ARB2A: variants seen among roughly 807,000 people sequenced by gnomAD.
The protein encoded by ARB2A is ARB2 cotranscriptional regulator A, also known as cotranscriptional regulator ARB2A.
the ARB2A span, chr5:93,683,713 TC>T: frequency 6.2e-7 from 1 of 1,611,286 alleles, no homozygotes; most frequent in Middle Eastern, 2.3e-4. Flanking sequence ...CATCGAATCT[TC>T]CATCGGGTGG....
chr5:93,938,223 A>C, the ARB2A span, among the ~76,000 whole-genome samples: 1 of 152,248 alleles, frequency 6.6e-6, no homozygotes, highest in Non-Finnish European at 1.5e-5. Context: ...TCAAAGAGTA[A>C]AAATTAAATA....
At chr5:93,673,101 T>C in the ARB2A span, among the ~76,000 whole-genome samples, 2 of 152,254 alleles carry the variant, frequency 1.3e-5, no homozygotes, top group African/African-American at 4.8e-5. Context: ...GAATCTATTT[T>C]CTTCTAGTTC....
the ARB2A span, among the ~76,000 whole-genome samples, chr5:93,757,177 A>C: frequency 6.6e-6 from 1 of 152,134 alleles, no homozygotes; most frequent in African/African-American, 2.4e-5. Flanking sequence ...AACAAAGACA[A>C]AGAAAAAAGA....
At chr5:93,964,442 T>G in the ARB2A span, 134 of 1,496,526 alleles carry the variant, frequency 9.0e-5, no homozygotes, top group Non-Finnish European at 1.2e-4. Flanking sequence ...AAACATTTCT[T>G]TAAAATTTGA....
At chr5:93,696,114 C>T in the ARB2A span, among the ~76,000 whole-genome samples, 5 of 152,020 alleles carry the variant, frequency 3.3e-5, no homozygotes, top group African/African-American at 1.2e-4. Context: ...CAGCAAACCA[C>T]CGTGGCACGT....
chr5:93,926,293 C>T, the ARB2A span, among the ~76,000 whole-genome samples: 7 of 152,070 alleles, frequency 4.6e-5, no homozygotes, highest in African/African-American at 1.7e-4. Context: ...CCATGCCCAG[C>T]TAATTTTGTA....
chr5:93,647,320 G>A, the ARB2A span, among the ~76,000 whole-genome samples: 5 of 152,010 alleles, frequency 3.3e-5, no homozygotes, highest in African/African-American at 1.2e-4. Flanking sequence ...TCTGCCTCCC[G>A]GGTTCAAGCA....
At chr5:94,079,091 A>T in the ARB2A span, among the ~76,000 whole-genome samples, 1 of 152,234 alleles carries the variant, frequency 6.6e-6, no homozygotes, top group African/African-American at 2.4e-5. Flanking sequence ...TGCACAAATA[A>T]TAAAGTCTCA....
At chr5:94,006,772 A>G in the ARB2A span, among the ~76,000 whole-genome samples, 2 of 152,232 alleles carry the variant, frequency 1.3e-5, no homozygotes, top group Non-Finnish European at 1.5e-5. Context: ...GGCTACTAGG[A>G]TACATTACAA....
the ARB2A span, among the ~76,000 whole-genome samples, chr5:93,732,636 A>G: frequency 5.9e-5 from 9 of 151,788 alleles, no homozygotes; most frequent in East Asian, 7.7e-4. Context: ...TTTCTCATGT[A>G]TATGGCTCCG....
At chr5:93,645,704 T>G in the ARB2A span, among the ~76,000 whole-genome samples, 1 of 152,196 alleles carries the variant, frequency 6.6e-6, no homozygotes, top group Non-Finnish European at 1.5e-5. Flanking sequence ...GTTTAAAAAT[T>G]TTTAGGAACA....
chr5:93,950,017 T>C, the ARB2A span, among the ~76,000 whole-genome samples: 2 of 152,172 alleles, frequency 1.3e-5, no homozygotes, highest in South Asian at 4.1e-4. Context: ...TCCAGTTCCA[T>C]CTATGTTGTT....
the ARB2A span, among the ~76,000 whole-genome samples, chr5:94,081,693 G>T: frequency 6.6e-6 from 1 of 152,076 alleles, no homozygotes; most frequent in Admixed American, 6.6e-5. Flanking sequence ...AGGAGTCGGG[G>T]GAAGAGAAAA....
At chr5:93,851,652 G>A in the ARB2A span, among the ~76,000 whole-genome samples, 1 of 152,028 alleles carries the variant, frequency 6.6e-6, no homozygotes, top group South Asian at 2.1e-4. Context: ...CCCTTCCTGT[G>A]TCCATGTGTT....
chr5:93,851,456 T>G, the ARB2A span, among the ~76,000 whole-genome samples: 1 of 152,172 alleles, frequency 6.6e-6, no homozygotes, highest in African/African-American at 2.4e-5. Context: ...TTTTACTTTA[T>G]TTTATTATTA....
At chr5:93,722,110 G>A in the ARB2A span, among the ~76,000 whole-genome samples, 7 of 152,052 alleles carry the variant, frequency 4.6e-5, no homozygotes, top group Non-Finnish European at 8.8e-5. Context: ...ATAAAAAACA[G>A]TTTACCTATG....
At chr5:93,682,708 T>C in the ARB2A span, 2 of 639,178 alleles carry the variant, frequency 3.1e-6, no homozygotes, top group Non-Finnish European at 5.6e-6. Flanking sequence ...CAATAGAACC[T>C]GGACAACATT....
chr5:93,958,230 T>C, the ARB2A span, among the ~76,000 whole-genome samples: 1 of 152,080 alleles, frequency 6.6e-6, no homozygotes, highest in Non-Finnish European at 1.5e-5. Context: ...TGTATGTCTA[T>C]GTCTCATGCT....
the ARB2A span, among the ~76,000 whole-genome samples, chr5:93,796,797 G>A: frequency 6.6e-6 from 1 of 152,164 alleles, no homozygotes; most frequent in South Asian, 2.1e-4. Flanking sequence ...TCTTATGAAG[G>A]CACATCTCAC....
Sources: gnomAD v4.1 joint callset for allele counts (sites outside exome capture counted in the v4.1 genomes callset) on GRCh38, gnomAD v4.1.1 for gene constraint, MANE v1.5 for transcripts, NCBI Gene and HGNC (gene_info 2026-07-23, HGNC 2026-07-21) for gene names.